Variants in SEMA3A observed in about 807,000 individuals in gnomAD.
The protein encoded by SEMA3A is semaphorin 3A.
In SEMA3A, 29 loss-of-function variants were observed where a neutral mutation model predicts 97.9. That is an observed-to-expected ratio of 0.30 (90% CI 0.22 to 0.40). The LOEUF is 0.40. Ranked by LOEUF, SEMA3A falls within the 10% of genes least tolerant of loss-of-function variation. SEMA3A has a pLI of 1.00. For missense variants in SEMA3A, 763 were observed against 951.3 expected, an observed-to-expected ratio of 0.80 and a Z score of 2.60; for synonymous variants, 321 against 323.7, an observed-to-expected ratio of 0.99 and a Z score of 0.09.
At chr7:84,271,983 G>A (rs997405159) in intron 3 of SEMA3A, among the ~76,000 whole-genome samples, 9 of 151,918 alleles carry the variant, frequency 5.9e-5, no homozygotes, top group South Asian at 2.1e-4. Flanking sequence ...ACTTGCCACC[G>A]TCTGTTTTTC....
At chr7:84,183,582 T>C (rs774283843) in intron 1 of SEMA3A, among the ~76,000 whole-genome samples, 59 of 152,038 alleles carry the variant, frequency 3.9e-4, no homozygotes, top group Non-Finnish European at 7.1e-4. Flanking sequence ...GAATTTTCAA[T>C]AGGCCAACAA....
chr7:84,022,762 T>C (rs1452127943), intron 6 of SEMA3A, among the ~76,000 whole-genome samples: 1 of 152,202 alleles, frequency 6.6e-6, no homozygotes, highest in African/African-American at 2.4e-5. Context: ...CTATGAAAGG[T>C]AAATAGAATT....
intron 4 of SEMA3A, among the ~76,000 whole-genome samples, chr7:84,110,178 C>T (rs1795234342): frequency 6.6e-6 from 1 of 152,142 alleles, no homozygotes; most frequent in African/African-American, 2.4e-5. Context: ...GGAGAAAACA[C>T]CACACATTCA....
intron 9 of SEMA3A, among the ~76,000 whole-genome samples, chr7:84,008,258 AAGG>A: frequency 6.6e-6 from 1 of 152,246 alleles, no homozygotes. Context: ...TTGGGAGGCC[AAGG>A]CGGGCGGATC....
intron 1 of SEMA3A, among the ~76,000 whole-genome samples, chr7:84,447,222 A>T (rs898020277): frequency 3.9e-5 from 6 of 152,104 alleles, no homozygotes; most frequent in African/African-American, 1.4e-4. Context: ...GACCAATGGG[A>T]GGCTGAGGGC....
chr7:83,996,897 T>G (rs1790245162), intron 12 of SEMA3A, among the ~76,000 whole-genome samples: 1 of 152,262 alleles, frequency 6.6e-6, no homozygotes, highest in Admixed American at 6.5e-5. Context: ...AAAATTTTAC[T>G]CTAAAATGAA....
intron 1 of SEMA3A, among the ~76,000 whole-genome samples, chr7:84,177,667 A>T (rs1201103468): frequency 6.6e-6 from 1 of 152,144 alleles, no homozygotes; most frequent in East Asian, 1.9e-4. Flanking sequence ...TAATTTTGTA[A>T]GTTGGAGTTG....
chr7:83,961,880 A>C (rs911284187), intron 16 of SEMA3A, 54 bp from the exon 17 acceptor site: 2 of 1,355,432 alleles, frequency 1.5e-6, no homozygotes, highest in African/African-American at 2.9e-5. Flanking sequence ...AAGAAATAGA[A>C]GCTCTGAAAC....
intron 2 of SEMA3A, among the ~76,000 whole-genome samples, chr7:84,370,851 A>C (rs1247400341): frequency 6.6e-6 from 1 of 151,542 alleles, no homozygotes; most frequent in Non-Finnish European, 1.5e-5. Flanking sequence ...GGCAGAAAAA[A>C]AGATTCTCAG....
At chr7:84,349,872 A>C (rs2116019835) in intron 2 of SEMA3A, among the ~76,000 whole-genome samples, 1 of 152,226 alleles carries the variant, frequency 6.6e-6, no homozygotes, top group South Asian at 2.1e-4. Context: ...TCAATGAATA[A>C]GTCTTCAAAG....
At chr7:84,048,128 G>C (rs750327740) in intron 5 of SEMA3A, among the ~76,000 whole-genome samples, 1 of 152,022 alleles carries the variant, frequency 6.6e-6, no homozygotes, top group Non-Finnish European at 1.5e-5. Context: ...ATAATATGTT[G>C]AGTATAAATT....
At chr7:84,212,001 CG>C (rs1798640573) in intron 3 of SEMA3A, among the ~76,000 whole-genome samples, 2 of 152,130 alleles carry the variant, frequency 1.3e-5, no homozygotes, top group Non-Finnish European at 2.9e-5. Context: ...TGCATATCCA[CG>C]TAGAAACTGT....
chr7:84,200,949 A>C (rs1449479167), intron 3 of SEMA3A, among the ~76,000 whole-genome samples: 1 of 152,030 alleles, frequency 6.6e-6, no homozygotes, highest in Non-Finnish European at 1.5e-5. Flanking sequence ...TACAAATGAA[A>C]TGAGCAGGTT....
chr7:84,478,798 A>G (rs1261478255), intron 1 of SEMA3A, among the ~76,000 whole-genome samples: 1 of 152,032 alleles, frequency 6.6e-6, no homozygotes, highest in Non-Finnish European at 1.5e-5. Flanking sequence ...TAAAATTATT[A>G]GTTACTCCCA....
intron 2 of SEMA3A, among the ~76,000 whole-genome samples, chr7:84,308,113 T>G (rs2115851923): frequency 6.6e-6 from 1 of 152,232 alleles, no homozygotes; most frequent in South Asian, 2.1e-4. Context: ...AAGATACAGG[T>G]TCTAAAGTAG....
At chr7:83,980,102 T>C (rs749084833) in intron 14 of SEMA3A, among the ~76,000 whole-genome samples, 8 of 152,152 alleles carry the variant, frequency 5.3e-5, no homozygotes, top group Non-Finnish European at 1.0e-4. Context: ...ATTAACGAGA[T>C]ACTGTATGTT....
rs527926724 is a variant in SEMA3A at position 83,993,855 on chromosome 7, G to T, written c.1452+8100C>A. ...TTCTTTATATTTCCTGAATCTGAAC[G>T]TTGGCTTGCCTTGCTAGATTGGGGA... On this transcript the variant is annotated intron_variant, in intron 12 of 16. Coordinates refer to ENST00000265362, the MANE Select transcript of SEMA3A (RefSeq NM_006080.3). Among the ~76,000 whole-genome samples, 545 of 133,694 alleles carry T rather than the reference G, an allele frequency of 4.1e-3. 4 individuals are homozygous for T. The highest frequency in any genetic ancestry group is 0.015 in the African/African-American group (519 of 34,760). 87.7% of individuals were successfully genotyped at this position (133,694 alleles called of 152,430 possible).
chr7:84,424,807 T>C (rs1280755195), intron 1 of SEMA3A, among the ~76,000 whole-genome samples: 1 of 101,058 alleles, frequency 9.9e-6, no homozygotes, highest in East Asian at 3.2e-4. Context: ...TTTATACAAA[T>C]ATACATATAT....
intron 3 of SEMA3A, among the ~76,000 whole-genome samples, chr7:84,303,427 T>C (rs1801073626): frequency 6.6e-6 from 1 of 152,020 alleles, no homozygotes; most frequent in South Asian, 2.1e-4. Flanking sequence ...ATCTTGTAAG[T>C]GGTTAGAAAA....
Sources: gnomAD v4.1 joint callset for allele counts (sites outside exome capture counted in the v4.1 genomes callset) on GRCh38, gnomAD v4.1.1 for gene constraint, MANE v1.5 for transcripts, NCBI Gene and HGNC (gene_info 2026-07-23, HGNC 2026-07-21) for gene names.